Variants in GATAD2B observed in about 807,000 individuals in gnomAD.
The protein encoded by GATAD2B is GATA zinc finger domain containing 2B.
Under a neutral mutation model 64.3 loss-of-function variants are expected in GATAD2B, and 8 were observed. The ratio of observed to expected loss-of-function variants is 0.12; its 90% CI spans 0.07 to 0.22. The LOEUF is 0.22. Ranked by LOEUF, GATAD2B falls within the 10% of genes least tolerant of loss-of-function variation. GATAD2B has a pLI of 1.00. For missense variants in GATAD2B, 453 were observed against 752.0 expected, an observed-to-expected ratio of 0.60 and a Z score of 4.65; for synonymous variants, 281 against 271.3, an observed-to-expected ratio of 1.04 and a Z score of -0.35.
intron 1 of GATAD2B, among the ~76,000 whole-genome samples, chr1:153,842,895 T>G (rs370509824): frequency 6.4e-4 from 98 of 151,938 alleles, no homozygotes; most frequent in African/African-American, 2.3e-3. Flanking sequence ...CCTCAGGTGA[T>G]CTGCCCGCCT....
chr1:153,865,992 G>A (rs1160247922), intron 1 of GATAD2B, among the ~76,000 whole-genome samples: 31 of 152,086 alleles, frequency 2.0e-4, no homozygotes, highest in Non-Finnish European at 1.3e-4. Context: ...ATCATCTGAA[G>A]TCAGGAGTTC....
In GATAD2B at chr1:153,815,280, C is replaced by CAAAAAAAAAAAAA. The variant is rs1159204191; in HGVS notation, c.1216+992_1216+993insTTTTTTTTTTTTT. On this transcript the variant is annotated intron_variant, in intron 7 of 10. Transcript: ENST00000368655. ...AGGGTCAGACCCTGTCTCAAAAAAACAAAAAAAAAAAACAAAAAAAAAAAA... is the reference window on the plus strand; with the variant it reads ...AGGGTCAGACCCTGTCTCAAAAAAACAAAAAAAAAAAAAAAAAAAAAAAAACAAAAAAAAAAAA... Among the ~76,000 whole-genome samples, 73 of 66,526 alleles carry CAAAAAAAAAAAAA rather than the reference C, an allele frequency of 1.1e-3. 1 individual carries two copies. Among genetic ancestry groups the CAAAAAAAAAAAAA allele is most frequent in the Admixed American group, 1.6e-3 (8 of 4,938 alleles). The allele number at this position is 66,526 out of a possible 152,430, so 43.6% of individuals were successfully genotyped here.
intron 1 of GATAD2B, among the ~76,000 whole-genome samples, chr1:153,873,891 A>G (rs1207053214): frequency 6.6e-6 from 1 of 152,064 alleles, no homozygotes; most frequent in East Asian, 1.9e-4. Context: ...CAAGGCTACA[A>G]TAAGCTATGA....
At chr1:153,865,018 C>T (rs1305879236) in intron 1 of GATAD2B, among the ~76,000 whole-genome samples, 1 of 149,902 alleles carries the variant, frequency 6.7e-6, no homozygotes, top group Non-Finnish European at 1.5e-5. Flanking sequence ...TGCGGTAAGC[C>T]GAGATCCCGC....
At chr1:153,895,201 A>G (rs1390412119) in intron 1 of GATAD2B, among the ~76,000 whole-genome samples, 3 of 152,068 alleles carry the variant, frequency 2.0e-5, no homozygotes, top group Non-Finnish European at 4.4e-5. Context: ...GCGTGGTGGA[A>G]CGTGCCTGTA....
chr1:153,870,863 A>G (rs1321939351), intron 1 of GATAD2B, among the ~76,000 whole-genome samples: 1 of 152,172 alleles, frequency 6.6e-6, no homozygotes, highest in African/African-American at 2.4e-5. Flanking sequence ...AAACCTGTGT[A>G]TATGTGTATA....
chr1:153,833,640 C>A (rs1179310966), intron 1 of GATAD2B, among the ~76,000 whole-genome samples: 1 of 151,840 alleles, frequency 6.6e-6, no homozygotes, highest in Non-Finnish European at 1.5e-5. Flanking sequence ...CATGGTGAAA[C>A]CCCGTCTCTA....
intron 1 of GATAD2B, among the ~76,000 whole-genome samples, chr1:153,913,714 C>T (rs566024493): frequency 2.0e-5 from 3 of 151,846 alleles, no homozygotes; most frequent in South Asian, 2.1e-4. Context: ...GTCAGGAGAT[C>T]GAGACCATCC....
At chr1:153,822,405 G>A (rs1674712467) in intron 2 of GATAD2B, among the ~76,000 whole-genome samples, 2 of 152,098 alleles carry the variant, frequency 1.3e-5, no homozygotes, top group South Asian at 4.1e-4. Flanking sequence ...GGAACTGTAT[G>A]CCATTTATCA....
chr1:153,867,364 A>C (rs1676513330), intron 1 of GATAD2B, among the ~76,000 whole-genome samples: 1 of 152,108 alleles, frequency 6.6e-6, no homozygotes, highest in Admixed American at 6.6e-5. Context: ...AATCAGAGAA[A>C]ATAATCTGAC....
At chr1:153,910,429 T>G (rs550531920) in intron 1 of GATAD2B, among the ~76,000 whole-genome samples, 4 of 152,182 alleles carry the variant, frequency 2.6e-5, no homozygotes, top group Non-Finnish European at 4.4e-5. Context: ...ACATAAGATA[T>G]CCAACACTTT....
chr1:153,826,515 C>G (rs1674883189), intron 2 of GATAD2B, among the ~76,000 whole-genome samples: 1 of 152,098 alleles, frequency 6.6e-6, no homozygotes, highest in South Asian at 2.1e-4. Flanking sequence ...GTAATCTCAG[C>G]TACTTAGGGG....
rs755707475 is a variant in GATAD2B at position 153,807,400 on chromosome 1, G to T, written c.*2777C>A. On this transcript the variant is annotated 3_prime_UTR_variant, in exon 11 of 11. Transcript: ENST00000368655. The stretch of plus-strand genomic sequence containing the variant: ...AAGGATGAGGAAGGAGGAGGGAAGG[G>T]AGGAGGTGGAAGGTTAACACTTTAC... The T allele has an allele frequency of 5.9e-5, 9 of 152,186 alleles. No homozygotes were observed. Among genetic ancestry groups the T allele is most frequent in the Non-Finnish European group, 1.2e-4 (8 of 68,052 alleles). 9.4% of individuals were successfully genotyped at this position (152,186 alleles called of 1,614,324 possible). A position where few individuals can be genotyped will look rare whatever the true frequency, so the allele number is the denominator to read the frequency against.
chr1:153,886,708 C>T (rs1008824576), intron 1 of GATAD2B, among the ~76,000 whole-genome samples: 5 of 151,296 alleles, frequency 3.3e-5, no homozygotes, highest in South Asian at 4.2e-4. Flanking sequence ...CCTGCCAACA[C>T]GCCCGGCTAA....
chr1:153,807,453 A>G lies in GATAD2B; in HGVS notation c.*2724T>C, dbSNP rs1452201301. 6.6e-6 allele frequency: 1 copy of G among 152,228 alleles called. No homozygotes were observed. Among genetic ancestry groups the G allele is most frequent in the African/African-American group, 2.4e-5 (1 of 41,440 alleles). 9.4% of individuals were successfully genotyped at this position (152,228 alleles called of 1,614,324 possible). On this transcript the variant is annotated 3_prime_UTR_variant, in exon 11 of 11. Transcript: ENST00000368655. ...TGATTAGGGAGACCTCACCTCCATC[A>G]CTAATCCCTGGGAAGAGTATGAAAA...
At chr1:153,863,034 A>G (rs1224929501) in intron 1 of GATAD2B, among the ~76,000 whole-genome samples, 1 of 152,070 alleles carries the variant, frequency 6.6e-6, no homozygotes, top group Non-Finnish European at 1.5e-5. Context: ...TACTTTTTTT[A>G]AGAGAAAAAA....
intron 1 of GATAD2B, among the ~76,000 whole-genome samples, chr1:153,837,024 T>C (rs1675291685): frequency 6.6e-6 from 1 of 152,192 alleles, no homozygotes; most frequent in African/African-American, 2.4e-5. Context: ...CCACGGCTAC[T>C]CTTTGTCTTT....
At chr1:153,832,388 G>C (rs1461712054) in intron 1 of GATAD2B, among the ~76,000 whole-genome samples, 4 of 152,208 alleles carry the variant, frequency 2.6e-5, no homozygotes, top group Non-Finnish European at 5.9e-5. Context: ...ATTCCTTTAA[G>C]CCAAAGCGTA....
intron 1 of GATAD2B, among the ~76,000 whole-genome samples, chr1:153,866,051 A>G (rs1443133693): frequency 1.2e-4 from 18 of 152,174 alleles, no homozygotes; most frequent in Non-Finnish European, 2.9e-5. Context: ...CAAAAATACA[A>G]AACTTAGCCA....
Sources: allele counts gnomAD v4.1 joint callset (sites outside exome capture counted in the v4.1 genomes callset), GRCh38; gene constraint gnomAD v4.1.1; transcripts MANE v1.5; gene names NCBI Gene and HGNC (gene_info 2026-07-23, HGNC 2026-07-21).